The following CACNA1C variants were observed in gnomAD, a reference collection of about 807,000 sequenced individuals.
The protein encoded by CACNA1C is voltage-dependent L-type calcium channel subunit alpha-1C.
In CACNA1C, 30 loss-of-function variants were observed where a neutral mutation model predicts 229.0. The observed-to-expected ratio is 0.13, with a 90% CI of 0.10 to 0.18. The LOEUF is 0.18. CACNA1C is among the 10% of genes least tolerant of loss of function. CACNA1C has a pLI of 1.00. For synonymous variants in CACNA1C, 1,114 were observed against 1,132.5 expected (o/e 0.98, Z 0.33); for missense variants, 1,658 against 2,845.0 (o/e 0.58, Z 9.49).
At chr12:2,095,041 C>T (rs1188439256) in intron 1 of CACNA1C, among the ~76,000 whole-genome samples, 1 of 152,266 alleles carries the variant, frequency 6.6e-6, no homozygotes, top group East Asian at 1.9e-4. Context: ...GTCTCAGAAA[C>T]GTAAATAAGT....
rs372532050 is a variant in CACNA1C, at chr12:1,995,889, C to T, written c.139+24688C>T. On this transcript the variant is annotated intron_variant, in intron 1 of 46. Transcript: ENST00000682462. ...AACCATCTCCAGCCCTGCCCTTACT[C>T]TGAGGGGCTGGCCACCTCCACCCAA... Among the ~76,000 whole-genome samples, 831 of 152,296 alleles carry T rather than the reference C, an allele frequency of 5.5e-3. 5 individuals are homozygous for T. Among genetic ancestry groups the T allele is most frequent in the African/African-American group, 0.018 (764 of 41,550 alleles).
At chr12:2,302,116 G>T (rs981160290) in intron 3 of CACNA1C, among the ~76,000 whole-genome samples, 3 of 152,132 alleles carry the variant, frequency 2.0e-5, no homozygotes, top group Non-Finnish European at 4.4e-5. Context: ...GCTGATTTTC[G>T]TGACTGACTA....
chr12:2,466,993 C>A (rs2099555757), intron 5 of CACNA1C, among the ~76,000 whole-genome samples: 1 of 152,158 alleles, frequency 6.6e-6, no homozygotes, highest in Non-Finnish European at 1.5e-5. Flanking sequence ...AGGGGTCTTA[C>A]AGGCCACATA....
Position 2,694,892 on chromosome 12 carries a change from G to A in CACNA1C, c.*3693G>A, listed in dbSNP as rs2097825859. ...GGCAAAGAAAGAAAACACGAATGTAGGTCAGGGATAGAGTGGAACCCTGGT... is the reference window on the plus strand; with the variant it reads ...GGCAAAGAAAGAAAACACGAATGTAAGTCAGGGATAGAGTGGAACCCTGGT... On this transcript the variant is annotated 3_prime_UTR_variant, in exon 47 of 47. Coordinates refer to ENST00000399655, the MANE Select transcript of CACNA1C (RefSeq NM_000719.7). 6.6e-6 allele frequency: 1 copy of A among 152,244 alleles called. No individual in the cohort carries two copies. Among genetic ancestry groups the A allele is most frequent in the Admixed American group, 6.5e-5 (1 of 15,282 alleles). The allele number at this position is 152,244 out of a possible 1,614,324, so 9.4% of individuals were successfully genotyped here. A position where few individuals can be genotyped will look rare whatever the true frequency, so the allele number is the denominator to read the frequency against.
intron 18 of CACNA1C, among the ~76,000 whole-genome samples, chr12:2,591,499 A>T (rs775424619): frequency 1.3e-5 from 2 of 152,184 alleles, no homozygotes; most frequent in African/African-American, 2.4e-5. Context: ...TCATCAAGGT[A>T]CTGGAGGCAG....
intron 3 of CACNA1C, among the ~76,000 whole-genome samples, chr12:2,358,280 TG>T (rs1218067729): frequency 7.4e-6 from 1 of 135,320 alleles, no homozygotes; most frequent in African/African-American, 2.9e-5. Flanking sequence ...TGTGTGTGTG[TG>T]TGTGTGTGTG....
chr12:2,250,050 C>G (rs1258262459), intron 3 of CACNA1C, among the ~76,000 whole-genome samples: 1 of 152,158 alleles, frequency 6.6e-6, no homozygotes, highest in Non-Finnish European at 1.5e-5. Flanking sequence ...CCTCGTGATC[C>G]ACCTGCCTCG....
chr12:2,133,477 A>G (rs1220880077), intron 3 of CACNA1C, among the ~76,000 whole-genome samples: 1 of 13,378 alleles, frequency 7.5e-5, no homozygotes, highest in African/African-American at 8.1e-4. Flanking sequence ...ACTGCTTTGA[A>G]TGCATCCCAG....
At chr12:2,212,663 TG>T (rs1481610885) in intron 3 of CACNA1C, among the ~76,000 whole-genome samples, 1 of 152,234 alleles carries the variant, frequency 6.6e-6, no homozygotes, top group African/African-American at 2.4e-5. Flanking sequence ...TTATCTAGAA[TG>T]TTGACTCTGT....
rs192272133 is a variant in CACNA1C, at chr12:1,997,598, T to C, written c.139+26397T>C. On this transcript the variant is annotated intron_variant, in intron 1 of 46. Coordinates refer to the CACNA1C transcript ENST00000682462. Reference sequence around the variant, plus strand: ...GAACAATCTAGTATTTCTGATAGTGTTCTTCTAGCTCCTTGCCAATGCATT... The same window carrying C: ...GAACAATCTAGTATTTCTGATAGTGCTCTTCTAGCTCCTTGCCAATGCATT... Among the ~76,000 whole-genome samples, 30 of 152,382 alleles carry C rather than the reference T, an allele frequency of 2.0e-4. No individual in the cohort carries two copies. The East Asian group carries it at 5.2e-3, about 26-fold the overall frequency.
intron 4 of CACNA1C, among the ~76,000 whole-genome samples, chr12:2,452,161 TG>T (rs2099384905): frequency 6.6e-6 from 1 of 152,066 alleles, no homozygotes; most frequent in Non-Finnish European, 1.5e-5. Context: ...TAGAGAAAGG[TG>T]GACCTGCCTG....
At chr12:1,982,524 T>C (rs1470437568) in intron 1 of CACNA1C, among the ~76,000 whole-genome samples, 1 of 129,900 alleles carries the variant, frequency 7.7e-6, no homozygotes, top group East Asian at 2.3e-4. Flanking sequence ...TCAAGGTTCA[T>C]TCACGTTGTA....
chr12:2,442,765 G>T (rs142097106), intron 3 of CACNA1C, among the ~76,000 whole-genome samples: 8 of 152,218 alleles, frequency 5.3e-5, no homozygotes, highest in Non-Finnish European at 1.5e-5. Flanking sequence ...GGGGGAGCAG[G>T]CACATCACAT....
intron 1 of CACNA1C, among the ~76,000 whole-genome samples, chr12:2,096,910 G>A (rs1055248086): frequency 2.6e-5 from 4 of 152,152 alleles, no homozygotes; most frequent in Non-Finnish European, 5.9e-5. Flanking sequence ...TAGCAGTATT[G>A]TATTCTTTTT....
chr12:2,220,212 C>A (rs1270137391), intron 3 of CACNA1C, among the ~76,000 whole-genome samples: 1 of 152,168 alleles, frequency 6.6e-6, no homozygotes, highest in Non-Finnish European at 1.5e-5. Context: ...CAATTCAAAG[C>A]TCCCTCTGCT....
intron 7 of CACNA1C, among the ~76,000 whole-genome samples, chr12:2,496,764 T>G (rs769176316): frequency 6.6e-5 from 10 of 152,188 alleles, no homozygotes; most frequent in Non-Finnish European, 1.5e-4. Context: ...CTACCTAATA[T>G]CCTGTTTGAG....
At chr12:2,156,126 A>G (rs1001713104) in intron 3 of CACNA1C, among the ~76,000 whole-genome samples, 3 of 152,196 alleles carry the variant, frequency 2.0e-5, no homozygotes, top group Non-Finnish European at 2.9e-5. Flanking sequence ...GGGCCAAATG[A>G]AGCTATCTTT....
Position 2,509,998 on chromosome 12 carries a change from C to T in CACNA1C, c.1218-2814C>T, listed in dbSNP as rs539857231. Among the ~76,000 whole-genome samples the T allele has an allele frequency of 9.0e-4, 137 of 152,328 alleles. 1 individual carries two copies. Among genetic ancestry groups the T allele is most frequent in the African/African-American group, 3.2e-3 (132 of 41,576 alleles). ...TCGATGATCAAAGGGCCTAGCACAC[C>T]TCAGGCTATTGGTTGGATTCCACAC... On this transcript the variant is annotated intron_variant, in intron 8 of 46. Coordinates refer to ENST00000399655, the MANE Select transcript of CACNA1C (RefSeq NM_000719.7).
At chr12:2,123,211 C>G (rs1267984390) in intron 3 of CACNA1C, among the ~76,000 whole-genome samples, 1 of 151,944 alleles carries the variant, frequency 6.6e-6, no homozygotes, top group South Asian at 2.1e-4. Flanking sequence ...CCCATCTCTA[C>G]TAAAAATACA....
Sources: gnomAD v4.1 joint callset for allele counts (sites outside exome capture counted in the v4.1 genomes callset) on GRCh38, gnomAD v4.1.1 for gene constraint, MANE v1.5 for transcripts, NCBI Gene and HGNC (gene_info 2026-07-23, HGNC 2026-07-21) for gene names.